SIK3: variants seen among roughly 807,000 people sequenced by gnomAD.
SIK3 encodes the protein SIK family kinase 3.
A neutral mutation model predicts 144.2 loss-of-function variants in SIK3; 28 were observed. The ratio of observed to expected loss-of-function variants is 0.19; its 90% CI spans 0.14 to 0.27. The LOEUF is 0.27. Among genes scored for constraint, SIK3 ranks in the 10% least tolerant of loss-of-function variants. The pLI is 1.00. For missense variants in SIK3, 1,319 were observed against 1,776.0 expected, an observed-to-expected ratio of 0.74 and a Z score of 4.62; for synonymous variants, 686 against 676.3, an observed-to-expected ratio of 1.01 and a Z score of -0.22.
intron 1 of SIK3, among the ~76,000 whole-genome samples, chr11:116,977,021 T>C (rs1263703386): frequency 6.6e-6 from 1 of 152,132 alleles, no homozygotes; most frequent in Non-Finnish European, 1.5e-5. Context: ...CTGAGGTGTT[T>C]ACAAAAATCA....
intron 4 of SIK3, among the ~76,000 whole-genome samples, chr11:116,917,154 C>T (rs1268817239): frequency 6.6e-6 from 1 of 151,960 alleles, no homozygotes; most frequent in Non-Finnish European, 1.5e-5. Flanking sequence ...TAAAGACTCC[C>T]TCAGAATCAG....
At chr11:116,993,686 T>A (rs1001074565) in intron 1 of SIK3, among the ~76,000 whole-genome samples, 2 of 152,096 alleles carry the variant, frequency 1.3e-5, no homozygotes, top group Non-Finnish European at 1.5e-5. Flanking sequence ...TGAACAGACG[T>A]CAGCAGGGTG....
intron 1 of SIK3, among the ~76,000 whole-genome samples, chr11:117,078,348 AG>A (rs1954641046): frequency 6.6e-6 from 1 of 152,124 alleles, no homozygotes; most frequent in African/African-American, 2.4e-5. Flanking sequence ...TGCATGCCAC[AG>A]GAAGGTAACG....
chr11:116,982,780 T>C (rs1248188571), intron 1 of SIK3, among the ~76,000 whole-genome samples: 4 of 151,098 alleles, frequency 2.6e-5, no homozygotes, highest in Non-Finnish European at 3.0e-5. Context: ...ACCATCTCTA[T>C]TAAAAATGCA....
intron 8 of SIK3, 81 bp from the exon 9 acceptor site, chr11:116,876,090 TAGCCAAAGCAC>T: frequency 6.4e-7 from 1 of 1,562,212 alleles, no homozygotes; most frequent in African/African-American, 1.4e-5. Flanking sequence ...GTAATAACAT[TAGCCAAAGCAC>T]CTTCTTTCCT....
intron 1 of SIK3, among the ~76,000 whole-genome samples, chr11:116,968,290 G>A (rs540302816): frequency 8.5e-5 from 13 of 152,066 alleles, no homozygotes; most frequent in Admixed American, 6.6e-4. Context: ...CTACAGGCGC[G>A]CACCACCATG....
intron 1 of SIK3, among the ~76,000 whole-genome samples, chr11:117,000,995 G>A (rs988719992): frequency 6.6e-6 from 1 of 152,114 alleles, no homozygotes; most frequent in African/African-American, 2.4e-5. Flanking sequence ...CTCAGCAAAG[G>A]AGCTCAGCTA....
intron 3 of SIK3, among the ~76,000 whole-genome samples, chr11:116,948,701 G>C (rs1948790210): frequency 6.6e-6 from 1 of 151,788 alleles, no homozygotes; most frequent in Non-Finnish European, 1.5e-5. Context: ...CAATGTTGTC[G>C]ATTTTTTCAA....
intron 1 of SIK3, among the ~76,000 whole-genome samples, chr11:117,046,534 TAGAACTGAC>T (rs1336417202): frequency 6.6e-6 from 1 of 152,202 alleles, no homozygotes; most frequent in Non-Finnish European, 1.5e-5. Flanking sequence ...TATGTCTATT[TAGAACTGAC>T]ACCTAAAAAC....
intron 1 of SIK3, among the ~76,000 whole-genome samples, chr11:117,071,232 A>AAGTATAGAG (rs1954266950): frequency 6.6e-6 from 1 of 152,034 alleles, no homozygotes; most frequent in Admixed American, 6.6e-5. Context: ...TTAAGGAACT[A>AAGTATAGAG]TACTCTAGCC....
intron 11 of SIK3, among the ~76,000 whole-genome samples, chr11:116,874,452 CTT>C (rs1944136663): frequency 6.6e-6 from 1 of 152,230 alleles, no homozygotes; most frequent in South Asian, 2.1e-4. Flanking sequence ...TGCAATTACT[CTT>C]GTCAGTGCTG....
At chr11:117,003,616 C>T (rs183828292) in intron 1 of SIK3, among the ~76,000 whole-genome samples, 86 of 152,146 alleles carry the variant, frequency 5.7e-4, no homozygotes, top group African/African-American at 1.7e-3. Flanking sequence ...CAAAGCGAGA[C>T]CCCAACTCTA....
At chr11:117,024,895 C>T (rs1206492816) in intron 1 of SIK3, among the ~76,000 whole-genome samples, 2 of 151,320 alleles carry the variant, frequency 1.3e-5, no homozygotes, top group Non-Finnish European at 2.9e-5. Context: ...GAGTGAGACC[C>T]TACCTTAAAA....
At chr11:117,046,846 C>G (rs1258876928) in intron 1 of SIK3, among the ~76,000 whole-genome samples, 2 of 152,168 alleles carry the variant, frequency 1.3e-5, no homozygotes, top group African/African-American at 4.8e-5. Flanking sequence ...CACCACTGCA[C>G]TCCAGCCTGG....
intron 22 of SIK3, 141 bp downstream of exon 22, chr11:116,848,978 AG>A: frequency 1.2e-5 from 12 of 989,004 alleles, no homozygotes; most frequent in Non-Finnish European, 1.5e-5. Flanking sequence ...AGAAAAAAAA[AG>A]AAATGCTCCC....
chr11:117,055,715 A>C (rs900048168), intron 1 of SIK3, among the ~76,000 whole-genome samples: 5 of 152,264 alleles, frequency 3.3e-5, no homozygotes, highest in African/African-American at 1.2e-4. Flanking sequence ...TAAAAGTCAG[A>C]TGTTGCCAAC....
At chr11:116,984,119 G>T (rs1159817921) in intron 1 of SIK3, among the ~76,000 whole-genome samples, 1 of 151,442 alleles carries the variant, frequency 6.6e-6, no homozygotes, top group Admixed American at 6.6e-5. Context: ...GCAGCGGTTT[G>T]TGGGGGAAAA....
intron 1 of SIK3, among the ~76,000 whole-genome samples, chr11:117,007,760 C>T (rs1951103892): frequency 6.6e-6 from 1 of 152,164 alleles, no homozygotes; most frequent in Admixed American, 6.5e-5. Context: ...GCTCACCCTT[C>T]TGTCAAGTTG....
chr11:116,960,238 G>T (rs374038486), intron 1 of SIK3, among the ~76,000 whole-genome samples: 1 of 152,252 alleles, frequency 6.6e-6, no homozygotes, highest in East Asian at 1.9e-4. Context: ...GAAAAGTGAA[G>T]CTTTGGGCCA....
Sources: allele counts gnomAD v4.1 joint callset (sites outside exome capture counted in the v4.1 genomes callset), GRCh38; gene constraint gnomAD v4.1.1; transcripts MANE v1.5; gene names NCBI Gene and HGNC (gene_info 2026-07-23, HGNC 2026-07-21).